SERPINA4: variants seen among roughly 807,000 people sequenced by gnomAD.
SERPINA4 encodes serpin family A member 4, also known as kallistatin.
Under a neutral mutation model 25.4 loss-of-function variants are expected in SERPINA4, and 24 were observed. The observed-to-expected ratio is 0.95, with a 90% CI of 0.69 to 1.33. The LOEUF (loss-of-function observed/expected upper bound fraction) is 1.33. Ranked by LOEUF, SERPINA4 falls within the 40% of genes most tolerant of loss-of-function variation. SERPINA4 has a pLI of 0.00. For synonymous variants in SERPINA4, 242 were observed against 223.6 expected (o/e 1.08, Z -0.73); for missense variants, 553 against 535.8 (o/e 1.03, Z -0.32).
chr14:94,568,724 G>A (rs907242798), intron 4 of SERPINA4, among the ~76,000 whole-genome samples: 3 of 151,910 alleles, frequency 2.0e-5, no homozygotes, highest in African/African-American at 4.8e-5. Flanking sequence ...GTGTGGTGGC[G>A]GGTGGTGGGC....
In SERPINA4 at chr14:94,563,794, C is replaced by A. The variant is rs1351643426; in HGVS notation, c.312C>A (p.Gly104=). 6.2e-7 allele frequency: 1 copy of A among 1,614,056 alleles called. No individual in the cohort carries two copies. The highest frequency in any genetic ancestry group is 1.3e-5 in the African/African-American group (1 of 74,928). The change falls in exon 2 of 5, where the codon GGC becomes GGA. Residue 104 remains glycine, a synonymous_variant. Transcript: ENST00000557004. ...ACAGCCGCAGCCAGATCCTTGAGGG[C>A]CTGGGCTTCAACCTCACCGAGCTGT... is the stretch of plus-strand genomic sequence containing the variant. ...CSHSRSQILE[G]LGFNLTELSE... is the part of the protein sequence containing the mutation.
chr14:94,564,915 T>C (rs1902154232), intron 2 of SERPINA4, among the ~76,000 whole-genome samples: 1 of 152,236 alleles, frequency 6.6e-6, no homozygotes, highest in African/African-American at 2.4e-5. Context: ...CAAATGTTAA[T>C]GTTTTAGCAT....
Position 94,569,816 on chromosome 14 carries a change from A to T in SERPINA4, c.*221A>T. 1.7e-6 allele frequency: 1 copy of T among 580,878 alleles called. No homozygotes were observed. Among genetic ancestry groups the T allele is most frequent in the Non-Finnish European group, 3.1e-6 (1 of 327,218 alleles). The allele number at this position is 580,878 out of a possible 1,614,324, so 36.0% of individuals were successfully genotyped here. On this transcript the variant is annotated 3_prime_UTR_variant, in exon 5 of 5. Transcript: ENST00000557004. ...TGTGCAGCCTCTGGCAGAGCATCCG[A>T]CCTCTTGGAGCAAGTTTCTGCCTCT...
In SERPINA4 at chr14:94,569,871, G is replaced by A. The variant is rs548398107; in HGVS notation, c.*276G>A. 3 of 505,310 alleles carry A rather than the reference G, an allele frequency of 5.9e-6. No individual in the cohort carries two copies. Among genetic ancestry groups the A allele is most frequent in the Non-Finnish European group, 7.2e-6 (2 of 278,762 alleles). The allele number at this position is 505,310 out of a possible 1,614,324, so 31.3% of individuals were successfully genotyped here. A position where few individuals can be genotyped will look rare whatever the true frequency, so the allele number is the denominator to read the frequency against. ...AGGGGGCGGGCCCTTTTCACAACAG[G>A]CTGGTTGTACCGAGTAAACAACACG... On this transcript the variant is annotated 3_prime_UTR_variant, in exon 5 of 5. Coordinates refer to ENST00000557004, the MANE Select transcript of SERPINA4 (RefSeq NM_006215.4).
rs146413375 is a variant in SERPINA4 at position 94,562,758 on chromosome 14, G to C, written c.-17-708G>C. On this transcript the variant is annotated intron_variant, in intron 1 of 4. Coordinates refer to ENST00000557004, the MANE Select transcript of SERPINA4 (RefSeq NM_006215.4). ...CATTTGATGGGGCAGGAGCAGATTTGGGGGAGAAACTGGAGTATCCTTTCT... is the reference window on the plus strand; with the variant it reads ...CATTTGATGGGGCAGGAGCAGATTTCGGGGAGAAACTGGAGTATCCTTTCT... Among the ~76,000 whole-genome samples, 8 of 152,278 alleles carry C rather than the reference G, an allele frequency of 5.3e-5. No homozygotes were observed. In the South Asian group the frequency reaches 6.2e-4, roughly 12 times the overall value.
Position 94,567,073 on chromosome 14 carries a change from G to T in SERPINA4, c.753G>T (p.Glu251Asp). Residue 251 changes from glutamate (E) to aspartate (D), a missense_variant, in exon 3 of 5, where the codon GAG (glutamate) becomes GAT (aspartate). Physicochemically the swap from Glu to Asp is conservative, Grantham distance 45 (BLOSUM62 2). Transcript: ENST00000557004. Reference sequence around the variant, plus strand: ...TGCCCATGATGCTGCAGGACCAGGAGCATCACTGGTATCTTCATGACAGAT... The same window carrying T: ...TGCCCATGATGCTGCAGGACCAGGATCATCACTGGTATCTTCATGACAGAT... The part of the protein sequence containing the change: ...VRVPMMLQDQ[E>D]HHWYLHDRYL... The T allele has an allele frequency of 6.2e-7, 1 of 1,614,220 alleles. No homozygotes were observed.
chr14:94,566,946 A>G (rs1902231723), intron 2 of SERPINA4, 24 bp from the exon 3 acceptor site: 15 of 1,601,846 alleles, frequency 9.4e-6, no homozygotes, highest in Non-Finnish European at 1.3e-5. Flanking sequence ...GATGTCCTGT[A>G]CCTTCTTTTC....
intron 2 of SERPINA4, 130 bp downstream of exon 2, chr14:94,564,261 C>CTA: frequency 4.5e-6 from 4 of 879,624 alleles, no homozygotes; most frequent in Non-Finnish European, 5.3e-6. Context: ...TTGAGCAACC[C>CTA]TCAGGGAATG....
Position 94,564,006 on chromosome 14 carries a change from C to G in SERPINA4, c.524C>G (p.Thr175Ser), listed in dbSNP as rs757079859. The G allele has an allele frequency of 8.1e-6, 13 of 1,613,862 alleles. No homozygotes were observed. The South Asian group carries it at 1.3e-4, about 16-fold the overall frequency. ...CTCTTCCACACCAACTTCTACGACA[C>G]TGTGGGCACAATCCAGCTTATCAAC... is the stretch of plus-strand genomic sequence containing the variant. ...AKLFHTNFYD[T>S]VGTIQLINDH... The change falls in exon 2 of 5, where the codon ACT becomes AGT. Residue 175 changes from threonine (T) to serine (S), a missense_variant. Physicochemically the swap from Thr to Ser is moderately conservative, Grantham distance 58 (BLOSUM62 1). Transcript: ENST00000557004.
rs1902235844 is a variant in SERPINA4 at position 94,567,041 on chromosome 14, G to T, written c.721G>T (p.Val241Phe). The T allele has an allele frequency of 6.2e-7, 1 of 1,614,094 alleles. No individual in the cohort carries two copies. The highest frequency in any genetic ancestry group is 1.7e-5 in the Admixed American group (1 of 60,012). ...KDFYVDENTT[V>F]RVPMMLQDQE... ...CTTCTATGTTGATGAGAACACAACAGTCCGGGTGCCCATGATGCTGCAGGA... is the reference window on the plus strand; with the variant it reads ...CTTCTATGTTGATGAGAACACAACATTCCGGGTGCCCATGATGCTGCAGGA... Residue 241 changes from valine (V) to phenylalanine (F), a missense_variant, in exon 3 of 5, where the codon GTC (valine) becomes TTC (phenylalanine). Coordinates refer to ENST00000557004, the MANE Select transcript of SERPINA4 (RefSeq NM_006215.4).
chr14:94,561,703 C>T, intron 1 of SERPINA4: 2 of 1,289,574 alleles, frequency 1.6e-6, no homozygotes, highest in Middle Eastern at 2.2e-4. Flanking sequence ...TCCATGGGCA[C>T]TGGTGGGTGA....
chr14:94,562,980 T>C (rs1902073796), intron 1 of SERPINA4, among the ~76,000 whole-genome samples: 1 of 152,142 alleles, frequency 6.6e-6, no homozygotes, highest in Non-Finnish European at 1.5e-5. Flanking sequence ...CCACAGATGT[T>C]TGTGGAACAG....
At position 94,569,517 on chromosome 14, in the gene SERPINA4, C is replaced by T. The variant is rs754504999; in HGVS notation, c.1206C>T (p.Pro402=). 1.2e-6 allele frequency: 2 copies of T among 1,614,096 alleles called. No individual in the cohort carries two copies. Among genetic ancestry groups the T allele is most frequent in the Non-Finnish European group, 1.7e-6 (2 of 1,180,052 alleles). The stretch of plus-strand genomic sequence containing the variant: ...GCCACATCCTGCGATTCAACCGGCC[C>T]TTCCTTGTGGTGATCTTTTCCACCA... ...TNRHILRFNR[P]FLVVIFSTST... The change falls in exon 5 of 5, where the codon CCC becomes CCT. Residue 402 remains proline (P), a synonymous_variant. Transcript: ENST00000557004.
In SERPINA4 at chr14:94,569,895, C is replaced by T. The variant is rs527831221; in HGVS notation, c.*300C>T. 21 of 434,582 alleles carry T rather than the reference C, an allele frequency of 4.8e-5. No homozygotes were observed. The highest frequency in any genetic ancestry group is 2.6e-4 in the Admixed American group (7 of 26,492). The allele number at this position is 434,582 out of a possible 1,614,324, so 26.9% of individuals were successfully genotyped here. Reference sequence around the variant, plus strand: ...GGCTGGTTGTACCGAGTAAACAACACGATGCCATGAAGACCCTGGTTCAGT... The same window carrying T: ...GGCTGGTTGTACCGAGTAAACAACATGATGCCATGAAGACCCTGGTTCAGT... On this transcript the variant is annotated 3_prime_UTR_variant, in exon 5 of 5. Coordinates refer to ENST00000557004, the MANE Select transcript of SERPINA4 (RefSeq NM_006215.4).
Position 94,569,483 on chromosome 14 carries a change from AG to A in SERPINA4, c.1173del (p.Thr392ProfsTer15), listed in dbSNP as rs1325153740. The A allele has an allele frequency of 6.2e-7, 1 of 1,614,208 alleles. No individual in the cohort carries two copies. The highest frequency in any genetic ancestry group is 1.3e-5 in the African/African-American group (1 of 75,054). ...TTCGCGATCAAATTCTTCTCTGCCC[AG>A]ACCAATCGCCACATCCTGCGATTCA... ...TSFAIKFFSA[Q>X]TNRHILRFNR... On this transcript the variant is annotated frameshift_variant, in exon 5 of 5. Transcript: ENST00000557004. LOFTEE classifies it low-confidence loss of function (END_TRUNC).
At chr14:94,566,847 C>G (rs1902228818) in intron 2 of SERPINA4, 123 bp from the exon 3 acceptor site, 2 of 1,144,270 alleles carry the variant, frequency 1.7e-6, no homozygotes, top group South Asian at 1.6e-5. Context: ...TCTTGATGGG[C>G]TCATAGGGCA....
intron 2 of SERPINA4, 69 bp downstream of exon 2, chr14:94,564,200 G>A: frequency 2.0e-6 from 3 of 1,481,612 alleles, no homozygotes; most frequent in Non-Finnish European, 2.8e-6. Flanking sequence ...TTGTTGACTG[G>A]TTAAATATAT....
intron 1 of SERPINA4, among the ~76,000 whole-genome samples, chr14:94,562,240 CAG>C (rs1267087448): frequency 6.6e-6 from 1 of 152,148 alleles, no homozygotes; most frequent in Non-Finnish European, 1.5e-5. Flanking sequence ...GTAGTGGCAG[CAG>C]AGACTGTGTG....
chr14:94,567,648 G>C (rs917265013), intron 3 of SERPINA4, among the ~76,000 whole-genome samples: 4 of 152,158 alleles, frequency 2.6e-5, no homozygotes, highest in Admixed American at 2.6e-4. Context: ...TAATAGGAAG[G>C]CTTCCCATCA....
Sources: allele counts gnomAD v4.1 joint callset (sites outside exome capture counted in the v4.1 genomes callset), GRCh38; gene constraint gnomAD v4.1.1; transcripts MANE v1.5; gene names NCBI Gene and HGNC (gene_info 2026-07-23, HGNC 2026-07-21).